The following HUNK variants were observed in gnomAD, a reference collection of about 807,000 sequenced individuals.
The protein encoded by HUNK is hormonally up-regulated neu tumor-associated kinase.
HUNK carries 21 observed loss-of-function variants against 61.0 expected under a neutral mutation model. The ratio of observed to expected loss-of-function variants is 0.34; its 90% CI spans 0.24 to 0.50. HUNK has a LOEUF of 0.50. Among genes scored for constraint, HUNK ranks in the 20% least tolerant of loss-of-function variants. The probability of loss-of-function intolerance (pLI) is 0.98; values close to 1 mark genes in which losing one functional copy is unlikely to be tolerated. For missense variants in HUNK, 772 were observed against 945.7 expected (o/e 0.82, Z 2.41); for synonymous variants, 371 against 386.1 (o/e 0.96, Z 0.46).
rs1418484264 is a variant in HUNK, at chr21:32,000,979, C to T, written c.*1795C>T. 4 of 365,106 alleles carry T rather than the reference C, an allele frequency of 1.1e-5. No homozygotes were observed. Among genetic ancestry groups the T allele is most frequent in the Non-Finnish European group, 1.9e-5 (4 of 205,736 alleles). 22.6% of individuals were successfully genotyped at this position (365,106 alleles called of 1,614,324 possible). ...GGGTTCCAGAACTTACCATTGAAAA[C>T]AGAGCTTTTAGGCCAGGTGTGGTGG... On this transcript the variant is annotated 3_prime_UTR_variant, in exon 11 of 11. Coordinates refer to ENST00000270112, the MANE Select transcript of HUNK (RefSeq NM_014586.2).
chr21:31,958,844 G>C lies in HUNK; in HGVS notation c.748G>C (p.Gly250Arg). ...TCATGTGTATGTCTCTCTTTTCAGAGGTGTGAACATGTATGCCATGTTGAC... is the reference window on the plus strand; with the variant it reads ...TCATGTGTATGTCTCTCTTTTCAGACGTGTGAACATGTATGCCATGTTGAC... ...YGPKIDVWSIGVNMYAMLTGT... is the reference protein window; with the variant it reads ...YGPKIDVWSIRVNMYAMLTGT... The change falls in exon 5 of 11, where the codon GGT (glycine) becomes CGT (arginine). Residue 250 changes from glycine (G) to arginine (R), a missense_variant and splice_region_variant. By Grantham distance (125) the Gly-to-Arg change is moderately radical. Coordinates refer to ENST00000270112, the MANE Select transcript of HUNK (RefSeq NM_014586.2). 6.3e-7 allele frequency: 1 copy of C among 1,595,992 alleles called. No homozygotes were observed. The highest frequency in any genetic ancestry group is 8.5e-7 in the Non-Finnish European group (1 of 1,171,068).
chr21:31,980,251 T>C (rs547740706), intron 7 of HUNK, among the ~76,000 whole-genome samples: 72 of 152,216 alleles, frequency 4.7e-4, no homozygotes, highest in African/African-American at 1.7e-3. Flanking sequence ...TTTGTATTTT[T>C]AGTAGAGACG....
In HUNK at chr21:31,961,211, C is replaced by T. The variant is rs114428389; in HGVS notation, c.874+2241C>T. Reference sequence around the variant, plus strand: ...ACTTTTTTTCCCACTCAGCATAATTCCCTTGAGATAATCTGAGCTGTTTTT... The same window carrying T: ...ACTTTTTTTCCCACTCAGCATAATTTCCTTGAGATAATCTGAGCTGTTTTT... On this transcript the variant is annotated intron_variant, in intron 5 of 10. Transcript: ENST00000270112. 3.0e-3 allele frequency among the ~76,000 whole-genome samples: 452 copies of T among 151,572 alleles called. 1 individual carries two copies. Among genetic ancestry groups the T allele is most frequent in the African/African-American group, 9.3e-3 (385 of 41,478 alleles).
chr21:31,995,368 A>G (rs1288794925), intron 9 of HUNK, among the ~76,000 whole-genome samples: 3 of 152,184 alleles, frequency 2.0e-5, no homozygotes, highest in African/African-American at 2.4e-5. Context: ...GGAAGCAGTT[A>G]TGTTTCCAGT....
intron 1 of HUNK, among the ~76,000 whole-genome samples, chr21:31,887,987 C>A (rs1407454835): frequency 6.6e-6 from 1 of 151,786 alleles, no homozygotes; most frequent in African/African-American, 2.4e-5. Context: ...GGATCTCGTA[C>A]CATCTGCTGG....
At chr21:31,974,744 C>T in intron 7 of HUNK, 27 bp downstream of exon 7, 1 of 1,561,950 alleles carries the variant, frequency 6.4e-7, no homozygotes, top group Non-Finnish European at 8.7e-7. Flanking sequence ...AGGCGATCGT[C>T]TCTGCTGTCT....
chr21:31,907,635 AAGT>A (rs1192760433), intron 1 of HUNK, among the ~76,000 whole-genome samples: 1 of 152,152 alleles, frequency 6.6e-6, no homozygotes, highest in East Asian at 1.9e-4. Context: ...AAGATATAAA[AAGT>A]AGAGAGGAGT....
At chr21:31,954,713 A>G (rs748683238) in intron 4 of HUNK, among the ~76,000 whole-genome samples, 27 of 152,202 alleles carry the variant, frequency 1.8e-4, no homozygotes, top group Admixed American at 1.4e-3. Flanking sequence ...AGGGCTTGCA[A>G]AAACACTGCA....
chr21:31,924,799 C>A lies in HUNK; in HGVS notation c.554+39C>A. Reference sequence around the variant, plus strand: ...CACGCTGGTGATCGCTGACTGTGTGCTCCGTGGGTGGCACTGGGCTGTGGC... The same window carrying A: ...CACGCTGGTGATCGCTGACTGTGTGATCCGTGGGTGGCACTGGGCTGTGGC... On this transcript the variant is annotated intron_variant, in intron 2 of 10. Transcript: ENST00000270112. The surrounding 1 kb of genome is among the most constrained non-coding windows in gnomAD (Gnocchi z 5.1). 1.9e-6 allele frequency: 3 copies of A among 1,546,448 alleles called. No homozygotes were observed. Among genetic ancestry groups the A allele is most frequent in the South Asian group, 2.5e-5 (2 of 79,446 alleles).
chr21:31,910,601 G>C (rs964335219), intron 1 of HUNK, among the ~76,000 whole-genome samples: 1 of 151,270 alleles, frequency 6.6e-6, no homozygotes, highest in East Asian at 1.9e-4. Context: ...TGATTGTTGT[G>C]CCTCAGCCTC....
At chr21:31,969,269 T>G (rs146180802) in intron 6 of HUNK, among the ~76,000 whole-genome samples, 1 of 152,304 alleles carries the variant, frequency 6.6e-6, no homozygotes, top group African/African-American at 2.4e-5. Context: ...GCCCCTCCCT[T>G]TCCAAACCAC....
chr21:31,974,397 T>C, intron 6 of HUNK, 158 bp from the exon 7 acceptor site: 1 of 650,358 alleles, frequency 1.5e-6, no homozygotes, highest in Admixed American at 2.7e-5. Flanking sequence ...GATTGTACTA[T>C]TCCCTCCGCT....
intron 2 of HUNK, among the ~76,000 whole-genome samples, chr21:31,928,871 A>G (rs1274025136): frequency 6.6e-6 from 1 of 152,148 alleles, no homozygotes; most frequent in Non-Finnish European, 1.5e-5. Context: ...GAATTTCATA[A>G]ATTATTTTGA....
At position 32,000,955 on chromosome 21, in the gene HUNK, G is replaced by T; in HGVS notation, c.*1771G>T. ...TTATTTTTTGTATAGCTTCAGACTG[G>T]GTTCCAGAACTTACCATTGAAAACA... On this transcript the variant is annotated 3_prime_UTR_variant, in exon 11 of 11. Transcript: ENST00000270112. The T allele has an allele frequency of 2.6e-6, 1 of 386,156 alleles. No homozygotes were observed. Among genetic ancestry groups the T allele is most frequent in the Non-Finnish European group, 4.6e-6 (1 of 218,952 alleles). 23.9% of individuals were successfully genotyped at this position (386,156 alleles called of 1,614,324 possible). A position where few individuals can be genotyped will look rare whatever the true frequency, so the allele number is the denominator to read the frequency against.
intron 1 of HUNK, among the ~76,000 whole-genome samples, chr21:31,916,302 G>A (rs1464985439): frequency 1.3e-5 from 2 of 151,728 alleles, no homozygotes; most frequent in Admixed American, 6.6e-5. Flanking sequence ...CGCCCGCCTC[G>A]GCCTCCCAAA....
chr21:31,980,463 G>A (rs1268000725), intron 7 of HUNK, among the ~76,000 whole-genome samples: 8 of 147,644 alleles, frequency 5.4e-5, no homozygotes, highest in Admixed American at 4.1e-4. Context: ...TGCAACCTCC[G>A]CCTCCCAGCT....
chr21:31,995,723 C>G, intron 9 of HUNK, 45 bp from the exon 10 acceptor site: 1 of 1,498,062 alleles, frequency 6.7e-7, no homozygotes, highest in Non-Finnish European at 9.2e-7. Context: ...CCCATTGTGT[C>G]TTCTAGTATG....
intron 7 of HUNK, among the ~76,000 whole-genome samples, chr21:31,981,835 C>T (rs1178216370): frequency 7.0e-6 from 1 of 142,804 alleles, no homozygotes; most frequent in Non-Finnish European, 1.6e-5. Flanking sequence ...AATTTTGATC[C>T]CTTTTATTTA....
At chr21:31,907,921 C>A (rs777690225) in intron 1 of HUNK, among the ~76,000 whole-genome samples, 1 of 151,734 alleles carries the variant, frequency 6.6e-6, no homozygotes, top group African/African-American at 2.4e-5. Flanking sequence ...ACCCGGGAGA[C>A]GGAGGTTGCA....
Sources: allele counts gnomAD v4.1 joint callset (sites outside exome capture counted in the v4.1 genomes callset), GRCh38; gene constraint gnomAD v4.1.1; non-coding constraint Gnocchi (gnomAD v3.1); transcripts MANE v1.5; gene names NCBI Gene and HGNC (gene_info 2026-07-23, HGNC 2026-07-21).